Variants in ZSCAN25 observed in about 807,000 individuals in gnomAD.
The protein encoded by ZSCAN25 is zinc finger and SCAN domain-containing protein 25.
In ZSCAN25, 27 loss-of-function variants were observed where a neutral mutation model predicts 38.7. The ratio of observed to expected loss-of-function variants is 0.70; its 90% CI spans 0.51 to 0.96. The LOEUF (loss-of-function observed/expected upper bound fraction) is 0.96, where lower values mean the gene tolerates loss of function less well. Among genes scored for constraint, ZSCAN25 ranks in the 40% least tolerant of loss-of-function variants. ZSCAN25 has a pLI of 0.00. For synonymous variants in ZSCAN25, 273 were observed against 277.7 expected, an observed-to-expected ratio of 0.98 and a Z score of 0.17; for missense variants, 637 against 705.9, an observed-to-expected ratio of 0.90 and a Z score of 1.11.
the ZSCAN25 span, among the ~76,000 whole-genome samples, chr7:99,704,781 G>A: frequency 6.6e-6 from 1 of 152,026 alleles, no homozygotes; most frequent in Admixed American, 6.6e-5. Flanking sequence ...GGCTAACACA[G>A]TGAAACTCCG....
rs1471282470 is a variant in ZSCAN25 at position 99,629,615 on chromosome 7, A to G, written c.1230A>G (p.Lys410=). ...CCTACGTGTGCAGCGAGTGCTGGAA[A>G]ACCTTCAGCCAGAGACACCACCTGG... is the stretch of plus-strand genomic sequence containing the variant. ...KRPYVCSECW[K]TFSQRHHLEV... The change falls in exon 8 of 8, where the codon AAA becomes AAG. Residue 410 remains lysine (K), a synonymous_variant. Coordinates refer to ENST00000394152, the MANE Select transcript of ZSCAN25 (RefSeq NM_145115.3). The surrounding 1 kb of genome is among the most constrained non-coding windows in gnomAD (Gnocchi z 5.6). 1.2e-6 allele frequency: 2 copies of G among 1,614,082 alleles called. No homozygotes were observed. Among genetic ancestry groups the G allele is most frequent in the East Asian group, 2.2e-5 (1 of 44,876 alleles).
chr7:99,663,348 A>G, the ZSCAN25 span: 3 of 993,752 alleles, frequency 3.0e-6, no homozygotes, highest in Non-Finnish European at 3.6e-6. Context: ...CTCAAACTCT[A>G]TATAATCTTC....
the ZSCAN25 span, among the ~76,000 whole-genome samples, chr7:99,708,691 G>T: frequency 1.8e-4 from 28 of 152,214 alleles, no homozygotes; most frequent in Admixed American, 7.2e-4. Flanking sequence ...GATTCCTGAA[G>T]ATTTGAGTAT....
At chr7:99,624,405 A>G (rs1584355869) in intron 7 of ZSCAN25, 3 of 566,320 alleles carry the variant, frequency 5.3e-6, no homozygotes, top group East Asian at 6.0e-5. Flanking sequence ...GGCTGTATGG[A>G]GACAGGTCGG....
chr7:99,685,908 T>C, the ZSCAN25 span, among the ~76,000 whole-genome samples: 1 of 152,222 alleles, frequency 6.6e-6, no homozygotes, highest in African/African-American at 2.4e-5. Context: ...TTTTCTTCCT[T>C]AGGTGACCTT....
chr7:99,637,189 G>T (rs1808316477), downstream of ZSCAN25, among the ~76,000 whole-genome samples: 1 of 152,092 alleles, frequency 6.6e-6, no homozygotes, highest in South Asian at 2.1e-4. Context: ...TAGGTAAAAG[G>T]TGCATATAAT....
chr7:99,710,356 A>G, the ZSCAN25 span, among the ~76,000 whole-genome samples: 2 of 152,340 alleles, frequency 1.3e-5, no homozygotes, highest in East Asian at 3.9e-4. Flanking sequence ...CAGCGCACCC[A>G]GGGCCAGGCT....
chr7:99,724,562 CCACCAGGCTGCTCCT>C, the ZSCAN25 span, among the ~76,000 whole-genome samples: 1 of 152,024 alleles, frequency 6.6e-6, no homozygotes. Flanking sequence ...TCTCCCCTCC[CCACCAGGCTGCTCCT>C]CACCAGGCCA....
chr7:99,646,797 TACAC>T, the ZSCAN25 span, among the ~76,000 whole-genome samples: 13,828 of 142,046 alleles, frequency 0.097, 640 homozygotes, highest in African/African-American at 0.13. Flanking sequence ...ATATGTTTTA[TACAC>T]ACACACACAC....
At chr7:99,661,470 C>CTG in the ZSCAN25 span, among the ~76,000 whole-genome samples, 3 of 152,220 alleles carry the variant, frequency 2.0e-5, no homozygotes. Context: ...TGGTGATTGA[C>CTG]TGTAGTCTGA....
At chr7:99,676,394 C>T in the ZSCAN25 span, 5 of 1,514,552 alleles carry the variant, frequency 3.3e-6, no homozygotes, top group South Asian at 4.5e-5. Context: ...TTCTGAGACC[C>T]CTGAAAAGTC....
chr7:99,711,132 C>T, the ZSCAN25 span, among the ~76,000 whole-genome samples: 7 of 152,298 alleles, frequency 4.6e-5, no homozygotes, highest in African/African-American at 1.2e-4. Context: ...CGCTCCTCCT[C>T]GTGCCATCCC....
the ZSCAN25 span, among the ~76,000 whole-genome samples, chr7:99,642,623 T>C: frequency 1.3e-5 from 2 of 152,350 alleles, no homozygotes; most frequent in African/African-American, 2.4e-5. Context: ...TACATAGCAA[T>C]AGATAATTGG....
the ZSCAN25 span, among the ~76,000 whole-genome samples, chr7:99,694,489 C>A: frequency 4.6e-5 from 7 of 152,258 alleles, no homozygotes; most frequent in Non-Finnish European, 1.0e-4. Flanking sequence ...ACTTGCTCAG[C>A]GTTTTCACTG....
chr7:99,659,996 T>G, the ZSCAN25 span: 1 of 160,098 alleles, frequency 6.2e-6, no homozygotes, highest in Non-Finnish European at 1.3e-5. Flanking sequence ...GGGAATTCCC[T>G]GACCCCTTGC....
At chr7:99,712,451 C>A in the ZSCAN25 span, among the ~76,000 whole-genome samples, 1 of 152,280 alleles carries the variant, frequency 6.6e-6, no homozygotes, top group East Asian at 1.9e-4. Context: ...TTCAATTAAA[C>A]TTAAATACAA....
At chr7:99,660,599 G>T in the ZSCAN25 span, 20 of 1,613,858 alleles carry the variant, frequency 1.2e-5, no homozygotes, top group Non-Finnish European at 1.6e-5. Flanking sequence ...ACTGCTGGTG[G>T]TTTCATAGCC....
chr7:99,700,280 G>T, the ZSCAN25 span, among the ~76,000 whole-genome samples: 6 of 152,180 alleles, frequency 3.9e-5, no homozygotes, highest in Non-Finnish European at 7.3e-5. Flanking sequence ...AACTTAATCA[G>T]TTTTATCAGG....
At position 99,621,431 on chromosome 7, in the gene ZSCAN25, A is replaced by T; in HGVS notation, c.446A>T (p.Glu149Val). 6.5e-7 allele frequency: 1 copy of T among 1,535,260 alleles called. No homozygotes were observed. The highest frequency in any genetic ancestry group is 1.4e-5 in the African/African-American group (1 of 72,606). ...EETALCRGAW[E>V]PGIQLGPVEV... ...ACAGCACTTTGCAGAGGCGCTTGGG[A>T]GCCAGGCATCCAGCTGGGGCCAGTG... The change falls in exon 5 of 8, where the codon GAG becomes GTG. Residue 149 changes from glutamate to valine, a missense_variant. By Grantham distance (121) the Glu-to-Val change is moderately radical. Transcript: ENST00000394152.
Sources: gnomAD v4.1 joint callset for allele counts (sites outside exome capture counted in the v4.1 genomes callset) on GRCh38, gnomAD v4.1.1 for gene constraint, Gnocchi (gnomAD v3.1) non-coding constraint, MANE v1.5 for transcripts, NCBI Gene and HGNC (gene_info 2026-07-23, HGNC 2026-07-21) for gene names.